Variants in RTCA observed in about 807,000 individuals in gnomAD.
RTCA encodes the protein RNA 3'-terminal phosphate cyclase, also known as RNA terminal phosphate cyclase domain 1.
Under a neutral mutation model 46.1 loss-of-function variants are expected in RTCA, and 37 were observed. That is an observed-to-expected ratio of 0.80 (90% CI 0.62 to 1.06). RTCA has a LOEUF of 1.06. RTCA is among the 50% of genes least tolerant of loss of function. RTCA has a pLI of 0.00. For missense variants in RTCA, 435 were observed against 455.5 expected, an observed-to-expected ratio of 0.95 and a Z score of 0.41; for synonymous variants, 164 against 158.3, an observed-to-expected ratio of 1.04 and a Z score of -0.27.
At chr1:100,286,881 A>T (rs188244277) in intron 9 of RTCA, among the ~76,000 whole-genome samples, 5 of 152,330 alleles carry the variant, frequency 3.3e-5, no homozygotes, top group African/African-American at 4.8e-5. Context: ...AAAAAATTAT[A>T]TGTTGAGAGC....
chr1:100,268,235 T>C lies in RTCA; in HGVS notation c.230T>C (p.Ile77Thr). 6.2e-7 allele frequency: 1 copy of C among 1,614,086 alleles called. No homozygotes were observed. Among genetic ancestry groups the C allele is most frequent in the Non-Finnish European group, 8.5e-7 (1 of 1,180,020 alleles). The part of the protein sequence containing the change: ...LEGAEIGSTE[I>T]TFTPEKIKGG... ...GGGGCAGAAATTGGCTCAACAGAAA[T>C]AACCTTTACACCAGAGAAGATCAAA... Residue 77 changes from isoleucine (I) to threonine (T), a missense_variant, in exon 3 of 11, where the codon ATA becomes ACA. Coordinates refer to ENST00000370128, the MANE Select transcript of RTCA (RefSeq NM_003729.4).
chr1:100,287,660 C>G (rs1667097436), intron 10 of RTCA, among the ~76,000 whole-genome samples: 1 of 151,988 alleles, frequency 6.6e-6, no homozygotes, highest in South Asian at 2.1e-4. Context: ...TTTCTTGATT[C>G]TATTGGTAAA....
intron 7 of RTCA, among the ~76,000 whole-genome samples, chr1:100,276,348 A>G (rs997730838): frequency 1.3e-5 from 2 of 152,200 alleles, no homozygotes; most frequent in African/African-American, 4.8e-5. Flanking sequence ...CAAATGTGAA[A>G]TCAGTTCACA....
At chr1:100,281,478 C>G (rs1666703238) in intron 8 of RTCA, among the ~76,000 whole-genome samples, 1 of 152,168 alleles carries the variant, frequency 6.6e-6, no homozygotes, top group Non-Finnish European at 1.5e-5. Flanking sequence ...TAAGTGATTG[C>G]ATTATAGACA....
chr1:100,270,589 C>T lies in RTCA; in HGVS notation c.323C>T (p.Pro108Leu), dbSNP rs779061743. Reference sequence around the variant, plus strand: ...TGCCTCTTGATGCAGGTCTCAATGCCGTGTGTTCTCTTTGCTGCTTCTCCA... The same window carrying T: ...TGCCTCTTGATGCAGGTCTCAATGCTGTGTGTTCTCTTTGCTGCTTCTCCA... ...SVCLLMQVSM[P>L]CVLFAASPSE... Residue 108 changes from proline (P) to leucine (L), a missense_variant, in exon 4 of 11, where the codon CCG becomes CTG. Transcript: ENST00000370128. 9.3e-6 allele frequency: 15 copies of T among 1,613,900 alleles called. No individual in the cohort carries two copies. The highest frequency in any genetic ancestry group is 1.6e-4 in the Middle Eastern group (1 of 6,084).
In RTCA at chr1:100,267,425, A is replaced by G. The variant is rs1665846088; in HGVS notation, c.147-727A>G. On this transcript the variant is annotated intron_variant, in intron 2 of 10. Coordinates refer to ENST00000370128, the MANE Select transcript of RTCA (RefSeq NM_003729.4). ...TTCATTAGGCTGTAGGTGTTGTATTAGTTTGCTAGGGCTGCCATAACAAAA... is the reference window on the plus strand; with the variant it reads ...TTCATTAGGCTGTAGGTGTTGTATTGGTTTGCTAGGGCTGCCATAACAAAA... 4.4e-6 allele frequency: 6 copies of G among 1,361,030 alleles called. No individual in the cohort carries two copies. The South Asian group carries it at 7.2e-5, about 16-fold the overall frequency. 84.3% of individuals were successfully genotyped at this position (1,361,030 alleles called of 1,614,324 possible).
At chr1:100,288,999 T>C (rs984190262) in intron 10 of RTCA, among the ~76,000 whole-genome samples, 8 of 152,104 alleles carry the variant, frequency 5.3e-5, no homozygotes, top group Non-Finnish European at 8.8e-5. Context: ...ATTTTTGTAC[T>C]TTTTAGCAGA....
intron 7 of RTCA, among the ~76,000 whole-genome samples, chr1:100,276,025 C>T (rs2100798899): frequency 6.6e-6 from 1 of 151,948 alleles, no homozygotes; most frequent in East Asian, 2.0e-4. Context: ...TTAGTAGAGA[C>T]AGGGTTTCAC....
chr1:100,278,538 G>C (rs1666525845), intron 8 of RTCA, among the ~76,000 whole-genome samples: 1 of 152,150 alleles, frequency 6.6e-6, no homozygotes. Context: ...GGGAGGCTGA[G>C]GTGGGAGGAT....
Position 100,268,241 on chromosome 1 carries a change from T to C in RTCA, c.236T>C (p.Phe79Ser). Residue 79 changes from phenylalanine (F) to serine (S), a missense_variant, in exon 3 of 11, where the codon TTT becomes TCT. Coordinates refer to ENST00000370128, the MANE Select transcript of RTCA (RefSeq NM_003729.4). ...GAAATTGGCTCAACAGAAATAACCT[T>C]TACACCAGAGAAGATCAAAGGTGGA... The part of the protein sequence containing the change: ...GAEIGSTEIT[F>S]TPEKIKGGIH... The C allele has an allele frequency of 6.2e-7, 1 of 1,614,082 alleles. No homozygotes were observed. The highest frequency in any genetic ancestry group is 8.5e-7 in the Non-Finnish European group (1 of 1,180,014).
At chr1:100,279,763 C>T (rs1035280754) in intron 8 of RTCA, among the ~76,000 whole-genome samples, 1 of 152,094 alleles carries the variant, frequency 6.6e-6, no homozygotes, top group Non-Finnish European at 1.5e-5. Context: ...CTGGGTGACA[C>T]AGTGAGACCC....
chr1:100,274,211 CAG>C (rs1281921358), intron 5 of RTCA, among the ~76,000 whole-genome samples: 1 of 152,168 alleles, frequency 6.6e-6, no homozygotes, highest in Non-Finnish European at 1.5e-5. Context: ...TTCTAGTAGA[CAG>C]TGTGTGGAGC....
chr1:100,268,284 CAA>C lies in RTCA; in HGVS notation c.280_281del (p.Lys94AspfsTer32). 1 of 1,611,864 alleles carries C rather than the reference CAA, an allele frequency of 6.2e-7. No individual in the cohort carries two copies. The highest frequency in any genetic ancestry group is 1.7e-5 in the Admixed American group (1 of 59,552). ...IKGGIHTADT[K>X]TAGSVCLLMQ... is the part of the protein sequence containing the mutation. Reference sequence around the variant, plus strand: ...AAGGTGGAATCCACACAGCAGATACCAAGACAGCAGGGTATGTATCACTTAAC... The same window carrying C: ...AAGGTGGAATCCACACAGCAGATACCGACAGCAGGGTATGTATCACTTAAC... On this transcript the variant is annotated frameshift_variant, in exon 3 of 11. Transcript: ENST00000370128. LOFTEE classifies it high-confidence loss of function.
At position 100,285,705 on chromosome 1, in the gene RTCA, G is replaced by A. The variant is rs534053771; in HGVS notation, c.894+383G>A. The stretch of plus-strand genomic sequence containing the variant: ...TTGCTATGTTGCCCAGGCTGGTCTC[G>A]AACTCCTGGTTTCAAGTGATCCTCC... On this transcript the variant is annotated intron_variant, in intron 9 of 10. Coordinates refer to ENST00000370128, the MANE Select transcript of RTCA (RefSeq NM_003729.4). 4.0e-5 allele frequency among the ~76,000 whole-genome samples: 6 copies of A among 151,698 alleles called. No individual in the cohort carries two copies. In the South Asian group the frequency reaches 6.2e-4, roughly 16 times the overall value.
chr1:100,278,594 C>T (rs754813789), intron 8 of RTCA, among the ~76,000 whole-genome samples: 4 of 152,270 alleles, frequency 2.6e-5, no homozygotes, highest in Non-Finnish European at 5.9e-5. Context: ...TGTAGTGAGA[C>T]TTTGTCTTTG....
chr1:100,280,028 A>C (rs1666611165), intron 8 of RTCA, among the ~76,000 whole-genome samples: 2 of 152,232 alleles, frequency 1.3e-5, no homozygotes, highest in Non-Finnish European at 1.5e-5. Flanking sequence ...ATAAGAGTTC[A>C]TTACAATTCA....
intron 2 of RTCA, 195 bp from the exon 3 acceptor site, chr1:100,267,957 G>T: frequency 1.6e-6 from 1 of 634,682 alleles, no homozygotes; most frequent in Non-Finnish European, 2.7e-6. Flanking sequence ...CTGCAAGGAA[G>T]TGTTAAAATG....
chr1:100,266,565 C>T lies in RTCA; in HGVS notation c.87C>T (p.Leu29=), dbSNP rs1026941625. ...GAGTCTCTACGGCCTTGAGCTGTCT[C>T]CTAGGCCTCCCCTTGCGGGTGCAGA... ...ILRVSTALSC[L]LGLPLRVQKI... is the part of the protein sequence containing the mutation. Residue 29 remains leucine (L), a synonymous_variant, in exon 2 of 11, where the codon CTC becomes CTT. Coordinates refer to ENST00000370128, the MANE Select transcript of RTCA (RefSeq NM_003729.4). The T allele has an allele frequency of 2.5e-6, 4 of 1,613,928 alleles. No individual in the cohort carries two copies. Among genetic ancestry groups the T allele is most frequent in the African/African-American group, 2.7e-5 (2 of 74,948 alleles).
chr1:100,266,488 CTTACT>C (rs768029872), intron 1 of RTCA, 31 bp from the exon 2 acceptor site: 3 of 1,609,362 alleles, frequency 1.9e-6, no homozygotes, highest in Non-Finnish European at 1.7e-6. Context: ...CACCGGTGTG[CTTACT>C]TCTCTTCTCC....
Sources: allele counts gnomAD v4.1 joint callset (sites outside exome capture counted in the v4.1 genomes callset), GRCh38; gene constraint gnomAD v4.1.1; transcripts MANE v1.5; gene names NCBI Gene and HGNC (gene_info 2026-07-23, HGNC 2026-07-21).